FHOD3: variants seen among roughly 807,000 people sequenced by gnomAD.
FHOD3 encodes formin homology 2 domain containing 3.
FHOD3 carries 90 observed loss-of-function variants against 173.0 expected under a neutral mutation model. The ratio of observed to expected loss-of-function variants is 0.52; its 90% CI spans 0.44 to 0.62. The LOEUF is 0.62. Ranked by LOEUF, FHOD3 falls within the 20% of genes least tolerant of loss-of-function variation. The pLI is 0.00. For synonymous variants in FHOD3, 828 were observed against 823.0 expected (o/e 1.01, Z -0.10); for missense variants, 1,945 against 2,034.7 (o/e 0.96, Z 0.85).
intron 18 of FHOD3, chr18:36,710,058 T>C (rs1380659637): frequency 2.0e-5 from 3 of 152,370 alleles, no homozygotes; most frequent in Non-Finnish European, 2.9e-5. Context: ...TTAATACTCA[T>C]TCAGTTCTCC....
chr18:36,324,260 G>T (rs2044550928), intron 1 of FHOD3, among the ~76,000 whole-genome samples: 1 of 152,158 alleles, frequency 6.6e-6, no homozygotes, highest in South Asian at 2.1e-4. Context: ...AAAGGTGAAA[G>T]GTAAAACAAT....
intron 2 of FHOD3, among the ~76,000 whole-genome samples, chr18:36,358,103 G>T (rs995921956): frequency 1.3e-5 from 2 of 152,082 alleles, no homozygotes; most frequent in African/African-American, 4.8e-5. Flanking sequence ...GACAACCAAG[G>T]GTCAGAAGTT....
chr18:36,718,529 C>T lies in FHOD3; in HGVS notation c.3231C>T (p.Pro1077=). ...LGWSQVPRGQ[P]TFTKKKKTIR... ...GGTCCCAGGTACCCAGGGGTCAGCC[C>T]ACATTCACTAAGAAAAAGAAGACCA... The change falls in exon 19 of 29, where the codon CCC becomes CCT. Residue 1077 remains proline, a synonymous_variant. Coordinates refer to ENST00000590592, the MANE Select transcript of FHOD3 (RefSeq NM_001281740.3). 6.2e-7 allele frequency: 1 copy of T among 1,614,122 alleles called. No homozygotes were observed. The highest frequency in any genetic ancestry group is 8.5e-7 in the Non-Finnish European group (1 of 1,180,032).
At chr18:36,307,788 C>G (rs1314248993) in intron 1 of FHOD3, among the ~76,000 whole-genome samples, 1 of 152,156 alleles carries the variant, frequency 6.6e-6, no homozygotes, top group Non-Finnish European at 1.5e-5. Flanking sequence ...AGCATCTGTT[C>G]CTGTCACAGA....
intron 1 of FHOD3, among the ~76,000 whole-genome samples, chr18:36,321,076 A>ATTTT (rs5824009): frequency 6.8e-6 from 1 of 148,100 alleles, no homozygotes. Context: ...ATTTCCTGTG[A>ATTTT]TTTTTTTTTT....
At chr18:36,571,399 G>A (rs568953350) in intron 5 of FHOD3, among the ~76,000 whole-genome samples, 2 of 152,266 alleles carry the variant, frequency 1.3e-5, no homozygotes, top group South Asian at 4.1e-4. Context: ...ATAATAAATA[G>A]ACATAACAGG....
intron 7 of FHOD3, among the ~76,000 whole-genome samples, chr18:36,599,399 C>T (rs1006336306): frequency 1.3e-5 from 2 of 152,228 alleles, no homozygotes; most frequent in African/African-American, 2.4e-5. Flanking sequence ...TCCTTTCAAG[C>T]GATCCCATCT....
At chr18:36,552,496 CT>C (rs1226577073) in intron 5 of FHOD3, among the ~76,000 whole-genome samples, 6 of 147,530 alleles carry the variant, frequency 4.1e-5, no homozygotes, top group African/African-American at 1.0e-4. Flanking sequence ...ATTTCTTTTT[CT>C]TTTTCTTTTT....
intron 3 of FHOD3, among the ~76,000 whole-genome samples, chr18:36,415,603 T>C (rs149574123): frequency 1.3e-5 from 2 of 152,358 alleles, no homozygotes; most frequent in African/African-American, 2.4e-5. Context: ...GGCAACTTAA[T>C]TGGTTGATTA....
At chr18:36,317,420 C>T (rs1349274545) in intron 1 of FHOD3, among the ~76,000 whole-genome samples, 1 of 152,184 alleles carries the variant, frequency 6.6e-6, no homozygotes, top group Non-Finnish European at 1.5e-5. Flanking sequence ...GCCATTCTAA[C>T]CGGCATGAGT....
In FHOD3 at chr18:36,677,481, C is replaced by T. The variant is rs1282273283; in HGVS notation, c.1836-3955C>T. ...TGTTTTATATGGCTAAAAGTTGTCT[C>T]AGCACCATTTGTTAAACAGTCCATC... On this transcript the variant is annotated intron_variant, in intron 14 of 28. Transcript: ENST00000590592. 1.7e-4 allele frequency among the ~76,000 whole-genome samples: 26 copies of T among 152,170 alleles called. 1 individual carries two copies. Among genetic ancestry groups the T allele is most frequent in the Non-Finnish European group, 1.5e-5 (1 of 68,024 alleles).
At chr18:36,753,329 A>G (rs1305167669) in intron 24 of FHOD3, among the ~76,000 whole-genome samples, 1 of 152,196 alleles carries the variant, frequency 6.6e-6, no homozygotes, top group East Asian at 1.9e-4. Context: ...AATAACCAGG[A>G]TTCCAGTGTA....
Position 36,681,580 on chromosome 18 carries a change from A to G in FHOD3, c.1970+10A>G. ...AAAGAAACAAATTCAGGTAAGAAGG[A>G]TCTTAAGATTTTTTTTAAATAGTGA... On this transcript the variant is annotated intron_variant, in intron 15 of 28. Coordinates refer to ENST00000590592, the MANE Select transcript of FHOD3 (RefSeq NM_001281740.3). The G allele has an allele frequency of 1.2e-6, 2 of 1,603,172 alleles. No homozygotes were observed. Among genetic ancestry groups the G allele is most frequent in the Non-Finnish European group, 1.7e-6 (2 of 1,177,204 alleles).
chr18:36,553,668 C>T (rs1392683502), intron 5 of FHOD3, among the ~76,000 whole-genome samples: 1 of 152,046 alleles, frequency 6.6e-6, no homozygotes, highest in East Asian at 1.9e-4. Context: ...TTCTGCATGG[C>T]AAAAGAAACT....
At chr18:36,692,028 C>T (rs1403171968) in intron 16 of FHOD3, among the ~76,000 whole-genome samples, 2 of 152,184 alleles carry the variant, frequency 1.3e-5, no homozygotes, top group Admixed American at 6.5e-5. Flanking sequence ...AGATCACTTC[C>T]AGCTGTGGTG....
At chr18:36,633,683 TAC>T (rs1277051181) in intron 10 of FHOD3, among the ~76,000 whole-genome samples, 2 of 152,204 alleles carry the variant, frequency 1.3e-5, no homozygotes, top group African/African-American at 4.8e-5. Context: ...TACCTGAAAG[TAC>T]TCTCTGAATC....
intron 10 of FHOD3, among the ~76,000 whole-genome samples, chr18:36,637,732 A>G (rs2034991618): frequency 6.6e-6 from 1 of 152,206 alleles, no homozygotes; most frequent in South Asian, 2.1e-4. Flanking sequence ...TGGTAGATAG[A>G]GGGTTACAGG....
chr18:36,626,669 A>T (rs2034133425), intron 10 of FHOD3, among the ~76,000 whole-genome samples: 1 of 152,216 alleles, frequency 6.6e-6, no homozygotes, highest in East Asian at 1.9e-4. Flanking sequence ...GGAAGTGCTC[A>T]TATCACTTGG....
intron 3 of FHOD3, among the ~76,000 whole-genome samples, chr18:36,439,392 A>T (rs563133712): frequency 6.6e-6 from 1 of 152,256 alleles, no homozygotes; most frequent in South Asian, 2.1e-4. Flanking sequence ...TTAGCAGAGG[A>T]GTCAATGACT....
Sources: gnomAD v4.1 joint callset for allele counts (sites outside exome capture counted in the v4.1 genomes callset) on GRCh38, gnomAD v4.1.1 for gene constraint, MANE v1.5 for transcripts, NCBI Gene and HGNC (gene_info 2026-07-23, HGNC 2026-07-21) for gene names.